The following PTPRM variants were observed in gnomAD, a reference collection of about 807,000 sequenced individuals.
The protein encoded by PTPRM is protein tyrosine phosphatase receptor type M.
PTPRM carries 47 observed loss-of-function variants against 186.7 expected under a neutral mutation model. That is an observed-to-expected ratio of 0.25 (90% CI 0.20 to 0.32). The LOEUF (loss-of-function observed/expected upper bound fraction) is 0.32, where lower values mean the gene tolerates loss of function less well. Among genes scored for constraint, PTPRM ranks in the 10% least tolerant of loss-of-function variants. The pLI is 1.00. For missense variants in PTPRM, 1,494 were observed against 1,865.0 expected, an observed-to-expected ratio of 0.80 and a Z score of 3.66; for synonymous variants, 668 against 674.9, an observed-to-expected ratio of 0.99 and a Z score of 0.16.
intron 1 of PTPRM, among the ~76,000 whole-genome samples, chr18:7,589,017 T>C (rs544253730): frequency 6.6e-6 from 1 of 152,130 alleles, no homozygotes; most frequent in South Asian, 2.1e-4. Flanking sequence ...GCTTGGCTGA[T>C]TTTTAAATTT....
Position 7,949,146 on chromosome 18 carries a change from G to A in PTPRM, c.664-35G>A, listed in dbSNP as rs973075021. On this transcript the variant is annotated intron_variant, in intron 5 of 32. Transcript: ENST00000580170. ...CTGTTTTGCTCTGACAGCTTATATT[G>A]CTTCTTTTTGTCCTCCCCACCCCAC... 15 of 1,519,782 alleles carry A rather than the reference G, an allele frequency of 9.9e-6. No homozygotes were observed. In the East Asian group the frequency reaches 3.2e-4, roughly 32 times the overall value. 94.1% of individuals were successfully genotyped at this position (1,519,782 alleles called of 1,614,324 possible).
chr18:8,070,023 T>C, intron 8 of PTPRM, 29 bp downstream of exon 8: 1 of 1,569,506 alleles, frequency 6.4e-7, no homozygotes. Context: ...TATGTTTGTG[T>C]AAAACATGTT....
At chr18:8,168,097 G>A (rs992574059) in intron 14 of PTPRM, among the ~76,000 whole-genome samples, 11 of 152,098 alleles carry the variant, frequency 7.2e-5, no homozygotes, top group South Asian at 4.1e-4. Context: ...TGTTTCTAGC[G>A]CTCAGTTAAA....
chr18:7,953,372 C>T (rs1448375909), intron 6 of PTPRM, among the ~76,000 whole-genome samples: 2 of 151,942 alleles, frequency 1.3e-5, no homozygotes, highest in African/African-American at 4.8e-5. Flanking sequence ...TTAGGATGTA[C>T]CATAAAAGGC....
intron 7 of PTPRM, among the ~76,000 whole-genome samples, chr18:8,004,826 A>G (rs372620618): frequency 1.4e-4 from 21 of 152,232 alleles, no homozygotes; most frequent in African/African-American, 4.3e-4. Flanking sequence ...GATCAAGGCA[A>G]TCGCCGTTTA....
At chr18:7,997,948 C>T (rs1379469256) in intron 7 of PTPRM, among the ~76,000 whole-genome samples, 1 of 152,118 alleles carries the variant, frequency 6.6e-6, no homozygotes, top group Non-Finnish European at 1.5e-5. Context: ...ATTAGTGTAG[C>T]CATTATGGAA....
intron 7 of PTPRM, among the ~76,000 whole-genome samples, chr18:7,987,896 A>G (rs913001544): frequency 1.3e-5 from 2 of 151,968 alleles, no homozygotes; most frequent in Non-Finnish European, 2.9e-5. Context: ...AATGTAAATG[A>G]TAGCAGGCAC....
At chr18:7,984,833 A>C (rs1342190594) in intron 7 of PTPRM, among the ~76,000 whole-genome samples, 1 of 134,318 alleles carries the variant, frequency 7.4e-6, no homozygotes, top group Non-Finnish European at 1.6e-5. Context: ...ACATATATAA[A>C]TATATACATA....
intron 31 of PTPRM, among the ~76,000 whole-genome samples, chr18:8,392,442 G>C (rs546046255): frequency 6.6e-6 from 1 of 152,072 alleles, no homozygotes. Context: ...GGCTAACACG[G>C]TGAAACCCCA....
chr18:7,875,393 A>G (rs2146224927), intron 2 of PTPRM, among the ~76,000 whole-genome samples: 1 of 149,448 alleles, frequency 6.7e-6, no homozygotes, highest in African/African-American at 2.5e-5. Flanking sequence ...GCACAGTCTC[A>G]GCTCACTGCA....
At chr18:8,089,441 C>G (rs973189768) in intron 11 of PTPRM, among the ~76,000 whole-genome samples, 1 of 152,076 alleles carries the variant, frequency 6.6e-6, no homozygotes, top group African/African-American at 2.4e-5. Flanking sequence ...TAAAGTATAA[C>G]TTGTATAGTG....
At chr18:8,198,479 A>G (rs1430656570) in intron 14 of PTPRM, among the ~76,000 whole-genome samples, 2 of 152,118 alleles carry the variant, frequency 1.3e-5, no homozygotes, top group Non-Finnish European at 2.9e-5. Flanking sequence ...TAGAAATTGA[A>G]TTATTATTTT....
chr18:8,036,478 A>G (rs1206644034), intron 7 of PTPRM, among the ~76,000 whole-genome samples: 2 of 152,208 alleles, frequency 1.3e-5, no homozygotes, highest in Non-Finnish European at 2.9e-5. Context: ...TTCTCTAGCT[A>G]TATAAGTTCC....
chr18:8,127,901 G>A (rs1228712430), intron 13 of PTPRM, among the ~76,000 whole-genome samples: 2 of 152,060 alleles, frequency 1.3e-5, no homozygotes, highest in Admixed American at 6.6e-5. Context: ...TATATTTAGT[G>A]CCTTTGTTAA....
chr18:8,344,448 G>GTGTATATATATATATATATATATA (rs1360655194), intron 23 of PTPRM, among the ~76,000 whole-genome samples: 6 of 33,420 alleles, frequency 1.8e-4, no homozygotes, highest in South Asian at 1.1e-3. Context: ...GTGTGTGTGT[G>GTGTATATATATATATATATATATA]TATATATATA....
At position 7,576,054 on chromosome 18, in the gene PTPRM, G is replaced by A. The variant is rs548442996; in HGVS notation, c.73+8163G>A. On this transcript the variant is annotated intron_variant, in intron 1 of 32. Transcript: ENST00000580170. ...AAGAGCAAGGATTGCAGGACATACAGGAGAGATGAATGAGAGGAGAGGAGT... is the reference window on the plus strand; with the variant it reads ...AAGAGCAAGGATTGCAGGACATACAAGAGAGATGAATGAGAGGAGAGGAGT... 2.0e-5 allele frequency among the ~76,000 whole-genome samples: 3 copies of A among 152,252 alleles called. No homozygotes were observed. In the South Asian group the frequency reaches 6.2e-4, roughly 32 times the overall value.
chr18:8,206,748 G>A (rs571701518), intron 14 of PTPRM, among the ~76,000 whole-genome samples: 4 of 152,210 alleles, frequency 2.6e-5, no homozygotes, highest in Middle Eastern at 3.4e-3. Context: ...AAAATGCTAG[G>A]TATCACATCA....
At chr18:7,779,458 C>T (rs1463678379) in intron 2 of PTPRM, among the ~76,000 whole-genome samples, 1 of 152,178 alleles carries the variant, frequency 6.6e-6, no homozygotes, top group Admixed American at 6.5e-5. Context: ...AGCGTGTGCA[C>T]TCTGTGTGAT....
chr18:8,392,434 C>A (rs998428073), intron 31 of PTPRM, among the ~76,000 whole-genome samples: 3 of 152,066 alleles, frequency 2.0e-5, no homozygotes, highest in African/African-American at 4.8e-5. Context: ...ACTATCCTGG[C>A]TAACACGGTG....
Sources: gnomAD v4.1 joint callset for allele counts (sites outside exome capture counted in the v4.1 genomes callset) on GRCh38, gnomAD v4.1.1 for gene constraint, MANE v1.5 for transcripts, NCBI Gene and HGNC (gene_info 2026-07-23, HGNC 2026-07-21) for gene names.